The following TP63 variants were observed in gnomAD, a reference collection of about 807,000 sequenced individuals.
TP63 encodes the protein tumor protein 63.
A neutral mutation model predicts 82.8 loss-of-function variants in TP63; 17 were observed. The ratio of observed to expected loss-of-function variants is 0.21; its 90% confidence interval spans 0.14 to 0.31. The LOEUF (loss-of-function observed/expected upper bound fraction) is 0.31, where lower values mean the gene tolerates loss of function less well. TP63 is among the 10% of genes least tolerant of loss of function. The probability of loss-of-function intolerance (pLI) is 1.00; values close to 1 mark genes in which losing one functional copy is unlikely to be tolerated. For synonymous variants in TP63, 330 were observed against 321.7 expected, an observed-to-expected ratio of 1.03 and a Z score of -0.28; for missense variants, 648 against 895.3, an observed-to-expected ratio of 0.72 and a Z score of 3.52.
chr3:189,856,669 G>A (rs1233317905), intron 4 of TP63, among the ~76,000 whole-genome samples: 1 of 151,926 alleles, frequency 6.6e-6, no homozygotes, highest in East Asian at 1.9e-4. Flanking sequence ...CAAGGTCATA[G>A]GCTACATGGT....
chr3:189,747,471 GCAAATAA>G (rs1463388830), intron 3 of TP63, among the ~76,000 whole-genome samples: 2 of 151,956 alleles, frequency 1.3e-5, no homozygotes, highest in African/African-American at 4.8e-5. Context: ...ACAGATATAT[GCAAATAA>G]CATGTTTCTG....
intron 4 of TP63, among the ~76,000 whole-genome samples, chr3:189,862,909 T>C (rs779795064): frequency 2.0e-4 from 30 of 152,360 alleles, no homozygotes; most frequent in Non-Finnish European, 4.3e-4. Context: ...GATTTTGCAA[T>C]ACTTTTCTAG....
intron 3 of TP63, among the ~76,000 whole-genome samples, chr3:189,743,316 G>A (rs142673686): frequency 6.6e-6 from 1 of 152,268 alleles, no homozygotes; most frequent in East Asian, 1.9e-4. Flanking sequence ...ACCAATGCTA[G>A]TGAGATTGTT....
At chr3:189,671,025 C>G (rs1714843697) in intron 1 of TP63, among the ~76,000 whole-genome samples, 4 of 151,878 alleles carry the variant, frequency 2.6e-5, no homozygotes, top group Admixed American at 2.6e-4. Context: ...AACAAAAAGA[C>G]AAATGAGAAT....
the TP63 span, among the ~76,000 whole-genome samples, chr3:189,598,609 C>T: frequency 2.0e-5 from 3 of 152,184 alleles, no homozygotes; most frequent in Non-Finnish European, 4.4e-5. Flanking sequence ...CCATACATAG[C>T]ACCTTTGAGA....
At chr3:189,797,066 T>C (rs573852094) in intron 3 of TP63, among the ~76,000 whole-genome samples, 1 of 152,222 alleles carries the variant, frequency 6.6e-6, no homozygotes, top group African/African-American at 2.4e-5. Flanking sequence ...ATTTTTGGAA[T>C]GTTAGTGAAT....
intron 4 of TP63, among the ~76,000 whole-genome samples, chr3:189,814,013 C>T (rs540844431): frequency 3.9e-5 from 6 of 152,246 alleles, no homozygotes; most frequent in African/African-American, 1.2e-4. Flanking sequence ...AGGGAGGTGG[C>T]GTTTGAAAGG....
intron 1 of TP63, among the ~76,000 whole-genome samples, chr3:189,685,092 A>C (rs1244334421): frequency 6.6e-6 from 1 of 152,218 alleles, no homozygotes; most frequent in African/African-American, 2.4e-5. Flanking sequence ...AATGTGGTGG[A>C]AATTCTGACT....
chr3:189,788,632 A>G (rs750919397), intron 3 of TP63, among the ~76,000 whole-genome samples: 7 of 152,024 alleles, frequency 4.6e-5, no homozygotes, highest in Non-Finnish European at 1.0e-4. Context: ...TGAATTACAA[A>G]TACTCAGCAG....
In TP63 at chr3:189,631,495, T is replaced by C; in HGVS notation, c.-21T>C. On this transcript the variant is annotated 5_prime_UTR_variant, in exon 1 of 14. Coordinates refer to ENST00000264731, the MANE Select transcript of TP63 (RefSeq NM_003722.5). ...TATATAATTGTTCTCCGTTCGTTGA[T>C]ATCAAAGACAGTTGAAGGAAATGAA... The C allele has an allele frequency of 6.2e-7, 1 of 1,612,490 alleles. No individual in the cohort carries two copies. The highest frequency in any genetic ancestry group is 8.5e-7 in the Non-Finnish European group (1 of 1,178,814).
intron 1 of TP63, among the ~76,000 whole-genome samples, chr3:189,675,465 C>G (rs1307333307): frequency 6.6e-6 from 1 of 151,904 alleles, no homozygotes; most frequent in Non-Finnish European, 1.5e-5. Flanking sequence ...AGAATATAAC[C>G]TAAACATCAT....
At chr3:189,778,368 A>G (rs1479241505) in intron 3 of TP63, among the ~76,000 whole-genome samples, 1 of 152,192 alleles carries the variant, frequency 6.6e-6, no homozygotes, top group Non-Finnish European at 1.5e-5. Context: ...CAAATCAACT[A>G]ATTTTTAATC....
intron 4 of TP63, among the ~76,000 whole-genome samples, chr3:189,821,072 G>A (rs1373284882): frequency 6.6e-6 from 1 of 152,136 alleles, no homozygotes; most frequent in Non-Finnish European, 1.5e-5. Context: ...TTCCAGGAAG[G>A]AAGGTCTCAT....
intron 4 of TP63, among the ~76,000 whole-genome samples, chr3:189,839,695 G>A (rs959944390): frequency 6.6e-6 from 1 of 152,208 alleles, no homozygotes; most frequent in African/African-American, 2.4e-5. Context: ...ATAGTGTGAT[G>A]CAATCGTGAT....
intron 1 of TP63, among the ~76,000 whole-genome samples, chr3:189,647,115 G>A (rs1226417134): frequency 6.8e-6 from 1 of 146,740 alleles, no homozygotes; most frequent in Non-Finnish European, 1.5e-5. Flanking sequence ...TCGCTTCCAA[G>A]AACTCCAACA....
At chr3:189,725,089 G>A (rs1719674903) in intron 1 of TP63, among the ~76,000 whole-genome samples, 1 of 151,924 alleles carries the variant, frequency 6.6e-6, no homozygotes, top group Non-Finnish European at 1.5e-5. Context: ...TTTTCAAGGT[G>A]TTATACCTCA....
chr3:189,672,933 C>T (rs1238251340), intron 1 of TP63, among the ~76,000 whole-genome samples: 1 of 152,040 alleles, frequency 6.6e-6, no homozygotes, highest in African/African-American at 2.4e-5. Flanking sequence ...CTCTGCCTTC[C>T]ACGTTCAAGC....
chr3:189,864,174 A>G (rs1717399584), intron 4 of TP63, 58 bp from the exon 5 acceptor site: 1 of 1,607,630 alleles, frequency 6.2e-7, no homozygotes, highest in Non-Finnish European at 8.5e-7. Flanking sequence ...TTTGGAATGT[A>G]ACAATATCTC....
chr3:189,602,878 T>A, the TP63 span, among the ~76,000 whole-genome samples: 6 of 152,220 alleles, frequency 3.9e-5, no homozygotes, highest in Non-Finnish European at 7.3e-5. Context: ...GTTCTATGTT[T>A]AATGGCATAG....
Sources: allele counts gnomAD v4.1 joint callset (sites outside exome capture counted in the v4.1 genomes callset), GRCh38; gene constraint gnomAD v4.1.1; transcripts MANE v1.5; gene names NCBI Gene and HGNC (gene_info 2026-07-23, HGNC 2026-07-21).